Variants in FGGY observed in about 807,000 individuals in gnomAD.
FGGY encodes the protein FGGY carbohydrate kinase domain containing, also known as FGGY carbohydrate kinase domain-containing protein.
In FGGY, 72 loss-of-function variants were observed where a neutral mutation model predicts 71.3. The ratio of observed to expected loss-of-function variants is 1.01; its 90% confidence interval spans 0.84 to 1.23. FGGY has a LOEUF of 1.23. Ranked by LOEUF, FGGY falls within the 50% of genes most tolerant of loss-of-function variation. FGGY has a pLI of 0.00. For missense variants in FGGY, 668 were observed against 682.3 expected (o/e 0.98, Z 0.23); for synonymous variants, 251 against 250.3 (o/e 1.00, Z -0.02).
intron 7 of FGGY, among the ~76,000 whole-genome samples, chr1:59,531,602 C>T (rs990797134): frequency 1.3e-5 from 2 of 152,186 alleles, no homozygotes; most frequent in African/African-American, 4.8e-5. Flanking sequence ...GAGATTTGGA[C>T]TCAACATTTC....
chr1:59,462,953 A>C (rs2092354856), intron 6 of FGGY, among the ~76,000 whole-genome samples: 1 of 152,106 alleles, frequency 6.6e-6, no homozygotes, highest in South Asian at 2.1e-4. Context: ...CCATCCCATT[A>C]CTGGGTATAT....
intron 11 of FGGY, among the ~76,000 whole-genome samples, chr1:59,645,739 A>G (rs1021341095): frequency 1.3e-5 from 2 of 152,170 alleles, no homozygotes; most frequent in Non-Finnish European, 2.9e-5. Context: ...CCACTCAACC[A>G]CTCAACAAAG....
chr1:59,546,513 TGATGATGATGATGATG>T lies in FGGY; in HGVS notation c.800-7610_800-7595del, dbSNP rs2095523987. On this transcript the variant is annotated intron_variant, in intron 7 of 15. Coordinates refer to ENST00000303721, the MANE Select transcript of FGGY (RefSeq NM_018291.5). ...CATAGGATGATGATGATGATGATGA[TGATGATGATGATGATG>T]ATGATGATTATTATTATTATTATTT... Among the ~76,000 whole-genome samples the T allele has an allele frequency of 4.1e-4, 60 of 147,248 alleles. No homozygotes were observed. In the South Asian group the frequency reaches 0.012, roughly 30 times the overall value.
At chr1:59,565,365 A>C (rs2095858151) in intron 8 of FGGY, among the ~76,000 whole-genome samples, 1 of 152,044 alleles carries the variant, frequency 6.6e-6, no homozygotes, top group African/African-American at 2.4e-5. Context: ...GCTCACTGCA[A>C]GCTCTGCCTC....
intron 10 of FGGY, among the ~76,000 whole-genome samples, chr1:59,635,455 T>C (rs1211677901): frequency 1.3e-5 from 2 of 151,844 alleles, no homozygotes; most frequent in African/African-American, 4.8e-5. Context: ...TAATTAGGCC[T>C]ATACGTTCTT....
At chr1:59,346,427 C>T (rs202088933) in intron 4 of FGGY, 29 bp downstream of exon 4, 12 of 1,608,412 alleles carry the variant, frequency 7.5e-6, no homozygotes, top group South Asian at 3.3e-5. Flanking sequence ...AGAGAAGATA[C>T]CAACAATAGT....
At chr1:59,362,003 A>T (rs771391372) in intron 4 of FGGY, among the ~76,000 whole-genome samples, 47 of 152,166 alleles carry the variant, frequency 3.1e-4, no homozygotes, top group Non-Finnish European at 5.4e-4. Flanking sequence ...CAGGAAAGAC[A>T]GTGTGCAGAC....
chr1:59,318,355 C>T (rs2045817866), intron 1 of FGGY, among the ~76,000 whole-genome samples: 1 of 152,204 alleles, frequency 6.6e-6, no homozygotes, highest in South Asian at 2.1e-4. Context: ...TACTGAGCTC[C>T]TGCTGTATGC....
intron 4 of FGGY, among the ~76,000 whole-genome samples, chr1:59,354,189 C>T (rs1036986493): frequency 2.0e-5 from 3 of 152,124 alleles, no homozygotes; most frequent in African/African-American, 7.2e-5. Context: ...GCGGCTCTCC[C>T]ACCCCAGCCT....
intron 14 of FGGY, among the ~76,000 whole-genome samples, chr1:59,739,069 AAACTT>A (rs1186373623): frequency 7.2e-5 from 11 of 152,322 alleles, no homozygotes; most frequent in African/African-American, 2.2e-4. Flanking sequence ...GCATTCCTGA[AAACTT>A]AACTTCACCT....
intron 10 of FGGY, among the ~76,000 whole-genome samples, chr1:59,635,869 C>T (rs2096953624): frequency 6.6e-6 from 1 of 152,064 alleles, no homozygotes; most frequent in Admixed American, 6.6e-5. Flanking sequence ...AATTTCTGAC[C>T]TAAGATACAG....
At chr1:59,737,560 G>T (rs1401231994) in intron 14 of FGGY, among the ~76,000 whole-genome samples, 1 of 152,224 alleles carries the variant, frequency 6.6e-6, no homozygotes, top group African/African-American at 2.4e-5. Flanking sequence ...AGATTTGACT[G>T]CCTCACTGGA....
At chr1:59,689,115 G>A (rs2097569171) in intron 14 of FGGY, among the ~76,000 whole-genome samples, 1 of 152,050 alleles carries the variant, frequency 6.6e-6, no homozygotes, top group African/African-American at 2.4e-5. Flanking sequence ...CAGACAGTTG[G>A]GTTAGAGAAG....
At chr1:59,535,080 GA>G (rs1400306207) in intron 7 of FGGY, among the ~76,000 whole-genome samples, 1 of 152,150 alleles carries the variant, frequency 6.6e-6, no homozygotes, top group Non-Finnish European at 1.5e-5. Context: ...CTGTATTCAG[GA>G]AACCCATCTC....
chr1:59,448,177 A>G (rs755156135), intron 5 of FGGY, among the ~76,000 whole-genome samples: 41 of 152,178 alleles, frequency 2.7e-4, no homozygotes, highest in Non-Finnish European at 4.3e-4. Context: ...CGATGCTGTC[A>G]TCTTCTATCC....
intron 7 of FGGY, among the ~76,000 whole-genome samples, chr1:59,534,415 T>G (rs1199140974): frequency 1.3e-5 from 2 of 151,472 alleles, no homozygotes; most frequent in Non-Finnish European, 2.9e-5. Context: ...CTGCAGGATA[T>G]TATCCAGGAG....
chr1:59,762,470 A>T (rs746310264), intron 15 of FGGY, 33 bp from the exon 16 acceptor site: 1 of 1,556,494 alleles, frequency 6.4e-7, no homozygotes, highest in East Asian at 2.3e-5. Flanking sequence ...TTTTGTCTTG[A>T]GATCATTCAA....
At chr1:59,635,584 C>T (rs956202502) in intron 10 of FGGY, among the ~76,000 whole-genome samples, 1 of 150,058 alleles carries the variant, frequency 6.7e-6, no homozygotes, top group African/African-American at 2.5e-5. Context: ...ACTTTAAGAA[C>T]AGTGGCTATT....
chr1:59,429,436 T>C (rs1197255482), intron 5 of FGGY, among the ~76,000 whole-genome samples: 4 of 152,240 alleles, frequency 2.6e-5, no homozygotes, highest in Non-Finnish European at 4.4e-5. Flanking sequence ...TTTGGTGCTA[T>C]TGCTTTTCTT....
Sources: gnomAD v4.1 joint callset for allele counts (sites outside exome capture counted in the v4.1 genomes callset) on GRCh38, gnomAD v4.1.1 for gene constraint, MANE v1.5 for transcripts, NCBI Gene and HGNC (gene_info 2026-07-23, HGNC 2026-07-21) for gene names.